Variants in C1orf52 observed in about 807,000 individuals in gnomAD.
C1orf52 encodes the protein chromosome 1 open reading frame 52.
Under a neutral mutation model 17.2 loss-of-function variants are expected in C1orf52, and 5 were observed. The observed-to-expected ratio is 0.29, with a 90% CI of 0.15 to 0.61. The LOEUF is 0.61. C1orf52 is among the 20% of genes least tolerant of loss of function. The pLI is 0.85. For missense variants in C1orf52, 245 were observed against 234.1 expected, an observed-to-expected ratio of 1.05 and a Z score of -0.30; for synonymous variants, 110 against 88.0, an observed-to-expected ratio of 1.25 and a Z score of -1.40.
rs3179654 is a variant in C1orf52, at chr1:85,250,026, A to G, written c.*2603T>C. 215 of 154,178 alleles carry G rather than the reference A, an allele frequency of 1.4e-3. No individual in the cohort carries two copies. The highest frequency in any genetic ancestry group is 2.2e-3 in the Non-Finnish European group (154 of 69,492). 9.6% of individuals were successfully genotyped at this position (154,178 alleles called of 1,614,324 possible). A position where few individuals can be genotyped will look rare whatever the true frequency, so the allele number is the denominator to read the frequency against. Reference sequence around the variant, plus strand: ...AAGCCTCACAATCATGGCAGAAGGCAAGAGGAGCAAGACACATCTTATGTG... The same window carrying G: ...AAGCCTCACAATCATGGCAGAAGGCGAGAGGAGCAAGACACATCTTATGTG... On this transcript the variant is annotated 3_prime_UTR_variant, in exon 3 of 3. Transcript: ENST00000471115.
intron 1 of C1orf52, chr1:85,258,976 CCCCTT>C: frequency 7.3e-7 from 1 of 1,378,690 alleles, no homozygotes; most frequent in Non-Finnish European, 9.4e-7. Flanking sequence ...CCAAGGCTGA[CCCCTT>C]CAGGAGGCTG....
In C1orf52 at chr1:85,251,007, G is replaced by T. The variant is rs757416168; in HGVS notation, c.*1622C>A. 6 of 152,126 alleles carry T rather than the reference G, an allele frequency of 3.9e-5. No individual in the cohort carries two copies. Among genetic ancestry groups the T allele is most frequent in the Non-Finnish European group, 8.8e-5 (6 of 68,026 alleles). 9.4% of individuals were successfully genotyped at this position (152,126 alleles called of 1,614,324 possible). ...CTATAGAATTGGTTTTTCTAAACTCGATGATATACTGGAAGCCATCATGCT... is the reference window on the plus strand; with the variant it reads ...CTATAGAATTGGTTTTTCTAAACTCTATGATATACTGGAAGCCATCATGCT... On this transcript the variant is annotated 3_prime_UTR_variant, in exon 3 of 3. Transcript: ENST00000471115.
chr1:85,250,860 T>C lies in C1orf52; in HGVS notation c.*1769A>G, dbSNP rs1371091030. The stretch of plus-strand genomic sequence containing the variant: ...TTTGTCACTTGATGCCACTCCTTAG[T>C]ATATGATACCACAGATTTCCAAATT... On this transcript the variant is annotated 3_prime_UTR_variant, in exon 3 of 3. Coordinates refer to ENST00000471115, the MANE Select transcript of C1orf52 (RefSeq NM_198077.4). 2.0e-5 allele frequency: 3 copies of C among 152,240 alleles called. No individual in the cohort carries two copies. The highest frequency in any genetic ancestry group is 4.4e-5 in the Non-Finnish European group (3 of 68,042). The allele number at this position is 152,240 out of a possible 1,614,324, so 9.4% of individuals were successfully genotyped here. A position where few individuals can be genotyped will look rare whatever the true frequency, so the allele number is the denominator to read the frequency against.
At chr1:85,255,132 TC>T (rs559537527) in intron 2 of C1orf52, among the ~76,000 whole-genome samples, 98 of 152,340 alleles carry the variant, frequency 6.4e-4, no homozygotes, top group Admixed American at 2.4e-3. Context: ...AGACAAACTT[TC>T]TAAATTCTAA....
chr1:85,258,829 T>C, intron 1 of C1orf52, 107 bp from the exon 2 acceptor site: 1 of 1,420,302 alleles, frequency 7.0e-7, no homozygotes, highest in Non-Finnish European at 9.2e-7. Flanking sequence ...GCTGACTTTT[T>C]TTTTCTTTAA....
In C1orf52 at chr1:85,259,464, G is replaced by A; in HGVS notation, c.170C>T (p.Pro57Leu). 1 of 1,613,912 alleles carries A rather than the reference G, an allele frequency of 6.2e-7. No individual in the cohort carries two copies. Residue 57 changes from proline (P) to leucine (L), a missense_variant, in exon 1 of 3, where the codon CCG becomes CTG. Pro to Leu is a moderately conservative substitution (Grantham distance 98, BLOSUM62 -3). Transcript: ENST00000471115. Reference sequence around the variant, plus strand: ...GCTCCTAAACAGCTCGTCAGGTCCCGGGAGCCGCTTCTCCGCCTTGTTCCT... The same window carrying A: ...GCTCCTAAACAGCTCGTCAGGTCCCAGGAGCCGCTTCTCCGCCTTGTTCCT... Reference protein sequence around the residue: ...GCRNKAEKRLPGPDELFRSVT... With the variant: ...GCRNKAEKRLLGPDELFRSVT...
intron 2 of C1orf52, among the ~76,000 whole-genome samples, chr1:85,257,631 T>C (rs543217423): frequency 2.6e-5 from 4 of 152,254 alleles, no homozygotes; most frequent in Admixed American, 6.5e-5. Context: ...ATGGTACAGA[T>C]TGGATAAGAA....
chr1:85,252,541 G>A lies in C1orf52; in HGVS notation c.*88C>T, dbSNP rs1476186580. Reference sequence around the variant, plus strand: ...TTAACGTATGCATTTTCATGGAGATGTGGCATAATAACCCACAATATCAAC... The same window carrying A: ...TTAACGTATGCATTTTCATGGAGATATGGCATAATAACCCACAATATCAAC... On this transcript the variant is annotated 3_prime_UTR_variant, in exon 3 of 3. Coordinates refer to ENST00000471115, the MANE Select transcript of C1orf52 (RefSeq NM_198077.4). 2 of 1,022,104 alleles carry A rather than the reference G, an allele frequency of 2.0e-6. No homozygotes were observed. The highest frequency in any genetic ancestry group is 3.0e-6 in the Non-Finnish European group (2 of 660,908). 63.3% of individuals were successfully genotyped at this position (1,022,104 alleles called of 1,614,324 possible). A position where few individuals can be genotyped will look rare whatever the true frequency, so the allele number is the denominator to read the frequency against.
rs1029364203 is a variant in C1orf52, at chr1:85,251,484, C to G, written c.*1145G>C. 3 of 152,212 alleles carry G rather than the reference C, an allele frequency of 2.0e-5. No individual in the cohort carries two copies. The highest frequency in any genetic ancestry group is 4.4e-5 in the Non-Finnish European group (3 of 68,040). The allele number at this position is 152,212 out of a possible 1,614,324, so 9.4% of individuals were successfully genotyped here. A position where few individuals can be genotyped will look rare whatever the true frequency, so the allele number is the denominator to read the frequency against. On this transcript the variant is annotated 3_prime_UTR_variant, in exon 3 of 3. Transcript: ENST00000471115. ...TGCTACAAATAACTGCATTTTGGAACTCAACGATCACACCTTCCCAACTAC... is the reference window on the plus strand; with the variant it reads ...TGCTACAAATAACTGCATTTTGGAAGTCAACGATCACACCTTCCCAACTAC...
At chr1:85,255,053 A>G (rs1443476462) in intron 2 of C1orf52, among the ~76,000 whole-genome samples, 4 of 152,360 alleles carry the variant, frequency 2.6e-5, no homozygotes, top group Non-Finnish European at 4.4e-5. Flanking sequence ...TATAGTATAG[A>G]TGTACTGGTA....
chr1:85,255,286 T>C (rs950671559), intron 2 of C1orf52, among the ~76,000 whole-genome samples: 3 of 152,126 alleles, frequency 2.0e-5, no homozygotes, highest in African/African-American at 7.2e-5. Context: ...GTGCGGTGGC[T>C]CACACCTGTA....
chr1:85,254,948 G>A (rs984797334), intron 2 of C1orf52, among the ~76,000 whole-genome samples: 1 of 152,162 alleles, frequency 6.6e-6, no homozygotes, highest in Non-Finnish European at 1.5e-5. Context: ...ATGCCATCTA[G>A]TGTCATGACA....
chr1:85,257,592 TA>T (rs1469975471), intron 2 of C1orf52: 1 of 649,852 alleles, frequency 1.5e-6, no homozygotes, highest in Non-Finnish European at 2.8e-6. Context: ...ATACGACTTT[TA>T]GAAACTCAAC....
At chr1:85,258,016 G>A (rs749727446) in intron 2 of C1orf52, among the ~76,000 whole-genome samples, 31 of 152,098 alleles carry the variant, frequency 2.0e-4, no homozygotes, top group Non-Finnish European at 3.7e-4. Flanking sequence ...GCTACTTGGA[G>A]GCTGAGGCAG....
rs192494278 is a variant in C1orf52, at chr1:85,258,820, C to T, written c.277-98G>A. The T allele has an allele frequency of 8.5e-4, 1,199 of 1,416,542 alleles. 4 individuals are homozygous for T. In the African/African-American group the frequency reaches 0.014, roughly 16 times the overall value. 87.7% of individuals were successfully genotyped at this position (1,416,542 alleles called of 1,614,324 possible). A position where few individuals can be genotyped will look rare whatever the true frequency, so the allele number is the denominator to read the frequency against. On this transcript the variant is annotated intron_variant, in intron 1 of 2. Coordinates refer to ENST00000471115, the MANE Select transcript of C1orf52 (RefSeq NM_198077.4). ...CCCTGCCGTTCGCTTATCGTTCAGG[C>T]TGACTTTTTTTTTCTTTAAGGTTGA...
chr1:85,253,340 C>A (rs1659848670), intron 2 of C1orf52, among the ~76,000 whole-genome samples: 1 of 152,114 alleles, frequency 6.6e-6, no homozygotes, highest in Non-Finnish European at 1.5e-5. Context: ...TGGCTATCAG[C>A]TGTCCTTTTC....
rs754475945 is a variant in C1orf52 at position 85,252,686 on chromosome 1, C to T, written c.492G>A (p.Glu164=). ...CTACTTTGCGCTTTTTAGAAGTATG[C>T]TCATCTTTTTCATCATCTTTAAATA... ...ETLESDDEKD[E]HTSKKRKVEP... Residue 164 remains glutamate (E), a synonymous_variant, in exon 3 of 3, where the codon GAG becomes GAA. Transcript: ENST00000471115. The T allele has an allele frequency of 1.9e-6, 3 of 1,612,370 alleles. No homozygotes were observed. Among genetic ancestry groups the T allele is most frequent in the African/African-American group, 1.3e-5 (1 of 74,858 alleles).
At chr1:85,258,058 C>A (rs774238569) in intron 2 of C1orf52, among the ~76,000 whole-genome samples, 3 of 150,778 alleles carry the variant, frequency 2.0e-5, no homozygotes, top group Non-Finnish European at 4.4e-5. Context: ...GGTGGAGGTT[C>A]GCAGTGAGCT....
rs1028026135 is a variant in C1orf52, at chr1:85,252,449, C to T, written c.*180G>A. On this transcript the variant is annotated 3_prime_UTR_variant, in exon 3 of 3. Transcript: ENST00000471115. ...CAAGTCACCAGTTGAGTTTTAAATA[C>T]ATACATGTTTTAAATAAAAAAAGAA... 3.7e-6 allele frequency: 2 copies of T among 547,382 alleles called. No homozygotes were observed. The highest frequency in any genetic ancestry group is 4.0e-5 in the African/African-American group (2 of 49,808). 33.9% of individuals were successfully genotyped at this position (547,382 alleles called of 1,614,324 possible).
Sources: gnomAD v4.1 joint callset for allele counts (sites outside exome capture counted in the v4.1 genomes callset) on GRCh38, gnomAD v4.1.1 for gene constraint, MANE v1.5 for transcripts, NCBI Gene and HGNC (gene_info 2026-07-23, HGNC 2026-07-21) for gene names.